HYDIN: variants seen among roughly 807,000 people sequenced by gnomAD.
HYDIN encodes the protein HYDIN axonemal central pair apparatus protein.
HYDIN carries 132 observed loss-of-function variants against 403.9 expected under a neutral mutation model. The observed-to-expected ratio is 0.33, with a 90% confidence interval of 0.28 to 0.38. HYDIN has a LOEUF of 0.38. HYDIN is among the 10% of genes least tolerant of loss of function. The probability of loss-of-function intolerance (pLI) is 1.00; values close to 1 mark genes in which losing one functional copy is unlikely to be tolerated. For missense variants in HYDIN, 2,827 were observed against 5,009.5 expected (o/e 0.56, Z 13.15); for synonymous variants, 1,202 against 1,891.7 (o/e 0.64, Z 9.46).
chr16:70,833,920 A>G lies in HYDIN; in HGVS notation c.13646T>C (p.Ile4549Thr), dbSNP rs776629571. 3 of 1,613,550 alleles carry G rather than the reference A, an allele frequency of 1.9e-6. No individual in the cohort carries two copies. ...CACATCGCCTGTGTTCATCATGAGG[A>G]TGCGACGTGTGGCTTGCGTCTGATA... ...VVYQTQATRRILMMNTGDVGA... is the reference protein window; with the variant it reads ...VVYQTQATRRTLMMNTGDVGA... The change falls in exon 79 of 86, where the codon ATC (isoleucine) becomes ACC (threonine). Residue 4549 changes from isoleucine to threonine, a missense_variant. Physicochemically the swap from Ile to Thr is moderately conservative, Grantham distance 89. Coordinates refer to ENST00000393567, the MANE Select transcript of HYDIN (RefSeq NM_001270974.2).
intron 43 of HYDIN, 50 bp from the exon 44 acceptor site, chr16:70,938,805 C>T (rs548210040): frequency 3.7e-5 from 60 of 1,605,628 alleles, no homozygotes; most frequent in African/African-American, 1.5e-4. Context: ...TTCTCAGTCT[C>T]GCTAGCAGCC....
chr16:71,137,595 T>G (rs1204578331), intron 7 of HYDIN, among the ~76,000 whole-genome samples: 1 of 152,058 alleles, frequency 6.6e-6, no homozygotes, highest in East Asian at 1.9e-4. Flanking sequence ...AAATATGTAT[T>G]GTTGTTGTGG....
At chr16:70,819,255 T>G (rs1432886396) in intron 83 of HYDIN, among the ~76,000 whole-genome samples, 1 of 151,828 alleles carries the variant, frequency 6.6e-6, no homozygotes, top group Non-Finnish European at 1.5e-5. Flanking sequence ...GCTGGGATAG[T>G]TTAAAAACAA....
At chr16:71,124,446 T>C (rs2084373249) in intron 9 of HYDIN, among the ~76,000 whole-genome samples, 1 of 152,058 alleles carries the variant, frequency 6.6e-6, no homozygotes, top group African/African-American at 2.4e-5. Context: ...AATCTCTTGA[T>C]CTTGAATCTC....
At chr16:71,205,250 C>G (rs937028841) in intron 1 of HYDIN, among the ~76,000 whole-genome samples, 8 of 152,194 alleles carry the variant, frequency 5.3e-5, no homozygotes, top group Admixed American at 5.2e-4. Flanking sequence ...TGGGATGCAT[C>G]AGGGCAACAG....
At chr16:71,173,565 A>T (rs2144633993) in intron 5 of HYDIN, among the ~76,000 whole-genome samples, 1 of 152,342 alleles carries the variant, frequency 6.6e-6, no homozygotes, top group Middle Eastern at 3.4e-3. Flanking sequence ...ATGCACAAAG[A>T]AGACAGACTA....
In HYDIN at chr16:70,860,697, C is replaced by T; in HGVS notation, c.11982G>A (p.Lys3994=). ...IEFTTVGIGG[K]NLRTFTILNP... ...AAACCTAAGCAACTCACCGGAGATT[C>T]TTCCCTCCTATGCCCACAGTGGTGA... The change falls in exon 70 of 86, where the codon AAG becomes AAA. Residue 3994 remains lysine (K), a synonymous_variant. Transcript: ENST00000393567. 1 of 540,518 alleles carries T rather than the reference C, an allele frequency of 1.9e-6. No homozygotes were observed. Among genetic ancestry groups the T allele is most frequent in the Admixed American group, 3.6e-5 (1 of 27,448 alleles). 33.5% of individuals were successfully genotyped at this position (540,518 alleles called of 1,614,324 possible).
chr16:70,839,410 A>G (rs1390237947), intron 76 of HYDIN, among the ~76,000 whole-genome samples: 3 of 148,892 alleles, frequency 2.0e-5, no homozygotes, highest in Non-Finnish European at 4.4e-5. Flanking sequence ...AACATTAATT[A>G]AAATAAAATA....
rs141397319 is a variant in HYDIN, at chr16:71,224,112, C to A, written c.-24+6450G>T. Among the ~76,000 whole-genome samples the A allele has an allele frequency of 2.8e-3, 423 of 152,296 alleles. 1 individual carries two copies. Among genetic ancestry groups the A allele is most frequent in the Middle Eastern group, 0.024 (7 of 294 alleles). The stretch of plus-strand genomic sequence containing the variant: ...TGTATACCATGGAATACTACTCAAC[C>A]ATAAGGAGTGACAAAATAATGTCTT... On this transcript the variant is annotated intron_variant, in intron 1 of 85. Transcript: ENST00000393567.
At chr16:70,991,271 G>T (rs761251119) in intron 25 of HYDIN, 47 bp downstream of exon 25, 69 of 1,611,086 alleles carry the variant, frequency 4.3e-5, no homozygotes, top group Middle Eastern at 3.3e-4. Context: ...TGTTTTATGG[G>T]AAGGACCCTT....
chr16:70,879,655 G>C lies in HYDIN; in HGVS notation c.10317C>G (p.Ile3439Met). The C allele has an allele frequency of 6.2e-7, 1 of 1,604,732 alleles. No homozygotes were observed. The highest frequency in any genetic ancestry group is 8.5e-7 in the Non-Finnish European group (1 of 1,174,386). The stretch of plus-strand genomic sequence containing the variant: ...CAAAGATGCACTGGTAGTTCTGCAT[G>C]ATCTGCGGGGTGAAGGACACCGTGG... ...AFATVSFTPQ[I>M]MQNYQCIFEA... Residue 3439 changes from isoleucine (I) to methionine (M), a missense_variant, in exon 61 of 86, where the codon ATC becomes ATG. Transcript: ENST00000393567.
chr16:70,869,863 G>A (rs1254512551), intron 65 of HYDIN, among the ~76,000 whole-genome samples: 1 of 152,178 alleles, frequency 6.6e-6, no homozygotes, highest in Non-Finnish European at 1.5e-5. Flanking sequence ...TGTTTGGAGG[G>A]CTCAGGAGAA....
rs551877402 is a variant in HYDIN, at chr16:70,871,959, C to A, written c.11091+78G>T. ...GCATTAATTCCATTCCATGCATCCACGGGAAAGGGCTGACAATCAGTCTGG... is the reference window on the plus strand; with the variant it reads ...GCATTAATTCCATTCCATGCATCCAAGGGAAAGGGCTGACAATCAGTCTGG... On this transcript the variant is annotated intron_variant, in intron 65 of 85. Coordinates refer to ENST00000393567, the MANE Select transcript of HYDIN (RefSeq NM_001270974.2). The A allele has an allele frequency of 1.4e-5, 18 of 1,247,816 alleles. No homozygotes were observed. In the East Asian group the frequency reaches 3.8e-4, roughly 26 times the overall value. 77.3% of individuals were successfully genotyped at this position (1,247,816 alleles called of 1,614,324 possible).
At chr16:71,094,275 G>T (rs2083205338) in intron 10 of HYDIN, among the ~76,000 whole-genome samples, 1 of 151,386 alleles carries the variant, frequency 6.6e-6, no homozygotes, top group Non-Finnish European at 1.5e-5. Flanking sequence ...CACTTCAAAG[G>T]CCACTTTATG....
chr16:71,124,343 T>C (rs1465580904), intron 9 of HYDIN, among the ~76,000 whole-genome samples: 1 of 152,252 alleles, frequency 6.6e-6, no homozygotes, highest in Non-Finnish European at 1.5e-5. Flanking sequence ...TCTTATAGTA[T>C]TGAGTCAAAC....
intron 12 of HYDIN, among the ~76,000 whole-genome samples, chr16:71,087,398 A>C (rs2082963150): frequency 6.8e-6 from 1 of 147,342 alleles, no homozygotes; most frequent in East Asian, 2.0e-4. Flanking sequence ...TCTGTGTCCT[A>C]ATGTCCTCTC....
chr16:71,085,154 G>C (rs983875454), intron 12 of HYDIN, among the ~76,000 whole-genome samples: 6 of 91,266 alleles, frequency 6.6e-5, no homozygotes, highest in African/African-American at 2.7e-4. Context: ...TTATTTTTTG[G>C]AAGAGTTTGT....
chr16:71,163,986 G>A (rs1391185322), intron 5 of HYDIN, among the ~76,000 whole-genome samples: 3 of 150,042 alleles, frequency 2.0e-5, no homozygotes, highest in South Asian at 4.3e-4. Context: ...CCAGTCATGA[G>A]TTTAAATGCA....
intron 1 of HYDIN, among the ~76,000 whole-genome samples, chr16:71,226,096 T>C (rs987021797): frequency 1.3e-5 from 2 of 152,214 alleles, no homozygotes; most frequent in African/African-American, 2.4e-5. Flanking sequence ...GGAACCAATG[T>C]TGCCAATTCA....
Sources: allele counts gnomAD v4.1 joint callset (sites outside exome capture counted in the v4.1 genomes callset), GRCh38; gene constraint gnomAD v4.1.1; transcripts MANE v1.5; gene names NCBI Gene and HGNC (gene_info 2026-07-23, HGNC 2026-07-21).